Variants in ALK observed in about 807,000 individuals in gnomAD.
ALK encodes the protein ALK tyrosine kinase receptor.
Under a neutral mutation model 163.1 loss-of-function variants are expected in ALK, and 74 were observed. The observed-to-expected ratio is 0.45, with a 90% CI of 0.38 to 0.55. ALK has a LOEUF of 0.55. Ranked by LOEUF, ALK falls within the 20% of genes least tolerant of loss-of-function variation. The probability of loss-of-function intolerance (pLI) is 0.00; values close to 1 mark genes in which losing one functional copy is unlikely to be tolerated. For synonymous variants in ALK, 960 were observed against 843.2 expected, an observed-to-expected ratio of 1.14 and a Z score of -2.40; for missense variants, 2,063 against 2,105.3, an observed-to-expected ratio of 0.98 and a Z score of 0.39.
chr2:29,676,597 T>C (rs1412064536), intron 3 of ALK, among the ~76,000 whole-genome samples: 2 of 152,040 alleles, frequency 1.3e-5, no homozygotes, highest in Admixed American at 6.6e-5. Context: ...GTAGTAGAAG[T>C]TCTCCAAATT....
chr2:29,747,814 A>T (rs1282576278), intron 1 of ALK, among the ~76,000 whole-genome samples: 2 of 152,168 alleles, frequency 1.3e-5, no homozygotes, highest in Non-Finnish European at 2.9e-5. Context: ...AGTTCCTTTG[A>T]TGGAAGTCTA....
chr2:29,618,166 T>A (rs1034279041), intron 3 of ALK, among the ~76,000 whole-genome samples: 1 of 152,188 alleles, frequency 6.6e-6, no homozygotes, highest in Non-Finnish European at 1.5e-5. Flanking sequence ...CAGCCTTTTG[T>A]CAGGGAGAGG....
At chr2:29,297,179 G>A (rs907845377) in intron 8 of ALK, 122 bp from the exon 9 acceptor site, 44 of 1,092,314 alleles carry the variant, frequency 4.0e-5, no homozygotes, top group Non-Finnish European at 5.3e-5. Context: ...CTGGTGAGAA[G>A]AGCTGGATGC....
In ALK at chr2:29,765,283, C is replaced by T. The variant is rs144569071; in HGVS notation, c.668-47586G>A. ...CATGACTTTCTCACCTGAAAATGAT[C>T]GAAAGTTTTGAAGTATATAGAGTGG... On this transcript the variant is annotated intron_variant, in intron 1 of 28. Transcript: ENST00000389048. 7.7e-3 allele frequency among the ~76,000 whole-genome samples: 1,166 copies of T among 152,256 alleles called. 15 individuals carry two copies. The highest frequency in any genetic ancestry group is 0.027 in the African/African-American group (1,131 of 41,548).
At chr2:29,772,722 A>T (rs976343597) in intron 1 of ALK, among the ~76,000 whole-genome samples, 2 of 152,228 alleles carry the variant, frequency 1.3e-5, no homozygotes, top group Non-Finnish European at 2.9e-5. Context: ...GTTTTTCACG[A>T]CAAGCCTTAT....
chr2:29,900,916 C>T (rs1457151483), intron 1 of ALK, among the ~76,000 whole-genome samples: 1 of 151,996 alleles, frequency 6.6e-6, no homozygotes. Flanking sequence ...GAGAGCCACT[C>T]GATTTTCATC....
chr2:29,233,712 G>C lies in ALK; in HGVS notation c.2356-16C>G, dbSNP rs551864909. On this transcript the variant is annotated splice_polypyrimidine_tract_variant and intron_variant, in intron 13 of 28. Coordinates refer to ENST00000389048, the MANE Select transcript of ALK (RefSeq NM_004304.5). ...ACTGGTTTGTCTGTAGAAACAAAAA[G>C]CACGTTAGGTTTGTGGCCAAACCAG... The C allele has an allele frequency of 4.3e-6, 7 of 1,614,198 alleles. No individual in the cohort carries two copies. The East Asian group carries it at 8.9e-5, about 21-fold the overall frequency.
chr2:29,820,077 C>T (rs1158495796), intron 1 of ALK, among the ~76,000 whole-genome samples: 2 of 152,176 alleles, frequency 1.3e-5, no homozygotes, highest in Non-Finnish European at 2.9e-5. Context: ...ATAATTCCTT[C>T]CTCTGTGAAA....
intron 4 of ALK, among the ~76,000 whole-genome samples, chr2:29,489,409 C>T (rs944992598): frequency 3.9e-5 from 6 of 152,098 alleles, no homozygotes; most frequent in African/African-American, 1.2e-4. Flanking sequence ...AAGCAATCTG[C>T]CCACCTCAAA....
intron 3 of ALK, among the ~76,000 whole-genome samples, chr2:29,614,998 T>C (rs1280314176): frequency 6.6e-6 from 1 of 152,196 alleles, no homozygotes; most frequent in Non-Finnish European, 1.5e-5. Flanking sequence ...TTATTCATTT[T>C]TTAAGAGACA....
intron 8 of ALK, among the ~76,000 whole-genome samples, chr2:29,298,741 C>T (rs556954994): frequency 1.3e-5 from 2 of 152,316 alleles, no homozygotes; most frequent in South Asian, 4.1e-4. Flanking sequence ...GTCCCCTTCT[C>T]TCTTTTTTGT....
At chr2:29,436,449 C>T (rs1670399549) in intron 4 of ALK, among the ~76,000 whole-genome samples, 1 of 152,282 alleles carries the variant, frequency 6.6e-6, no homozygotes, top group Non-Finnish European at 1.5e-5. Flanking sequence ...TAAGCCAATA[C>T]CTTTGCATCA....
At chr2:29,566,552 G>A (rs550558782) in intron 3 of ALK, among the ~76,000 whole-genome samples, 125 of 152,290 alleles carry the variant, frequency 8.2e-4, no homozygotes, top group Non-Finnish European at 1.5e-3. Context: ...ATACATGGCC[G>A]GTAGGAACAT....
At chr2:29,852,760 G>T (rs1666029562) in intron 1 of ALK, among the ~76,000 whole-genome samples, 1 of 152,226 alleles carries the variant, frequency 6.6e-6, no homozygotes, top group Middle Eastern at 3.4e-3. Flanking sequence ...TTTGGGAGGT[G>T]ATTAGGTCAT....
At position 29,649,317 on chromosome 2, in the gene ALK, G is replaced by A. The variant is rs796504682; in HGVS notation, c.952+45533C>T. 3.3e-5 allele frequency among the ~76,000 whole-genome samples: 5 copies of A among 151,882 alleles called. No homozygotes were observed. The East Asian group carries it at 9.7e-4, about 29-fold the overall frequency. ...TTCCTGCTCCCCGTATTGACTCTGA[G>A]ACCCTCACCCCACCTCACCACCGAC... is the stretch of plus-strand genomic sequence containing the variant. On this transcript the variant is annotated intron_variant, in intron 3 of 28. Transcript: ENST00000389048.
intron 12 of ALK, among the ~76,000 whole-genome samples, chr2:29,248,209 C>G (rs140924869): frequency 1.1e-4 from 17 of 152,242 alleles, no homozygotes; most frequent in African/African-American, 4.1e-4. Flanking sequence ...GGTGTGGTGG[C>G]TCACATCTAT....
chr2:29,407,215 C>T, intron 4 of ALK, among the ~76,000 whole-genome samples: 1 of 152,196 alleles, frequency 6.6e-6, no homozygotes. Context: ...TGTTTTCTGC[C>T]AGGTTCAACC....
rs139910657 is a variant in ALK, at chr2:29,390,071, T to A, written c.1155-6212A>T. Among the ~76,000 whole-genome samples the A allele has an allele frequency of 2.8e-4, 42 of 152,368 alleles. No homozygotes were observed. The East Asian group carries it at 7.9e-3, about 29-fold the overall frequency. On this transcript the variant is annotated intron_variant, in intron 4 of 28. Transcript: ENST00000389048. ...AAAGGTCTACTATATGCGCTGCTTATAACTGAGTTTAAAATGCAGGTTGGC... is the reference window on the plus strand; with the variant it reads ...AAAGGTCTACTATATGCGCTGCTTAAAACTGAGTTTAAAATGCAGGTTGGC...
Position 29,862,762 on chromosome 2 carries a change from G to C in ALK, c.667+57231C>G, listed in dbSNP as rs765057966. 1.0e-3 allele frequency among the ~76,000 whole-genome samples: 151 copies of C among 150,856 alleles called. 2 individuals are homozygous for C. The highest frequency in any genetic ancestry group is 4.0e-4 in the Non-Finnish European group (27 of 67,706). On this transcript the variant is annotated intron_variant, in intron 1 of 28. Coordinates refer to ENST00000389048, the MANE Select transcript of ALK (RefSeq NM_004304.5). ...AATGACATTTTTTCACAGACATAGA[G>C]AAAGCAATCCTAAAATTCATATAGA...
Sources: gnomAD v4.1 joint callset for allele counts (sites outside exome capture counted in the v4.1 genomes callset) on GRCh38, gnomAD v4.1.1 for gene constraint, MANE v1.5 for transcripts, NCBI Gene and HGNC (gene_info 2026-07-23, HGNC 2026-07-21) for gene names.